The following MYRIP variants were observed in gnomAD, a reference collection of about 807,000 sequenced individuals.
The protein encoded by MYRIP is rab effector MyRIP.
In MYRIP, 49 loss-of-function variants were observed where a neutral mutation model predicts 98.0. That is an observed-to-expected ratio of 0.50 (90% confidence interval 0.40 to 0.63). The LOEUF (loss-of-function observed/expected upper bound fraction) is 0.63, where lower values mean the gene tolerates loss of function less well. MYRIP is among the 30% of genes least tolerant of loss of function. The pLI is 0.00. For missense variants in MYRIP, 1,004 were observed against 1,058.2 expected (o/e 0.95, Z 0.71); for synonymous variants, 404 against 409.5 (o/e 0.99, Z 0.16).
At chr3:40,062,614 T>A (rs1948042076) in intron 3 of MYRIP, among the ~76,000 whole-genome samples, 1 of 152,226 alleles carries the variant, frequency 6.6e-6, no homozygotes, top group African/African-American at 2.4e-5. Context: ...TAAGGTTAAC[T>A]CTGGATTCTA....
chr3:40,168,661 C>G (rs1575592118), intron 7 of MYRIP, among the ~76,000 whole-genome samples: 1 of 152,354 alleles, frequency 6.6e-6, no homozygotes, highest in East Asian at 1.9e-4. Flanking sequence ...TGGGGCCCAA[C>G]TGAGGGCACA....
rs1467177024 is a variant in MYRIP, at chr3:40,258,172, T to C, written c.*6T>C. The C allele has an allele frequency of 1.2e-6, 2 of 1,614,172 alleles. No individual in the cohort carries two copies. Among genetic ancestry groups the C allele is most frequent in the Middle Eastern group, 1.6e-4 (1 of 6,062 alleles). ...AGTCAGCTGTGATGTACTGACACCA[T>C]GGAATTCCACTGCCAGTGACCCACT... On this transcript the variant is annotated 3_prime_UTR_variant, in exon 17 of 17. Coordinates refer to ENST00000302541, the MANE Select transcript of MYRIP (RefSeq NM_015460.4).
At chr3:40,003,936 A>C (rs1327249192) in intron 2 of MYRIP, among the ~76,000 whole-genome samples, 1 of 152,164 alleles carries the variant, frequency 6.6e-6, no homozygotes, top group Non-Finnish European at 1.5e-5. Flanking sequence ...CTGACTGTCA[A>C]GTTTATTAAT....
chr3:40,228,189 G>A (rs568822744), intron 11 of MYRIP, among the ~76,000 whole-genome samples: 1 of 152,160 alleles, frequency 6.6e-6, no homozygotes, highest in South Asian at 2.1e-4. Flanking sequence ...GGCCGCAGCT[G>A]TCCCCTTTTC....
chr3:40,215,500 T>C (rs1357921479), intron 11 of MYRIP, among the ~76,000 whole-genome samples: 1 of 152,164 alleles, frequency 6.6e-6, no homozygotes, highest in East Asian at 1.9e-4. Context: ...CCAAGCCACA[T>C]GGAAACCCAA....
intron 3 of MYRIP, among the ~76,000 whole-genome samples, chr3:40,111,842 C>T (rs1193676101): frequency 6.6e-6 from 1 of 151,976 alleles, no homozygotes; most frequent in Non-Finnish European, 1.5e-5. Context: ...TGTTTATTTC[C>T]AGGAGTTGAA....
At chr3:40,254,434 A>G (rs1278367660) in intron 16 of MYRIP, among the ~76,000 whole-genome samples, 2 of 139,346 alleles carry the variant, frequency 1.4e-5, no homozygotes, top group Non-Finnish European at 3.1e-5. Flanking sequence ...AGCAGATAAT[A>G]TAGAAAGAGT....
chr3:39,986,343 G>A (rs546466994), intron 2 of MYRIP, among the ~76,000 whole-genome samples: 2 of 151,996 alleles, frequency 1.3e-5, no homozygotes, highest in South Asian at 2.1e-4. Context: ...TGATTTTGTT[G>A]TATTTTTACA....
In MYRIP at chr3:40,113,362, C is replaced by T. The variant is rs553223019; in HGVS notation, c.333-37686C>T. Among the ~76,000 whole-genome samples the T allele has an allele frequency of 5.3e-5, 8 of 152,302 alleles. No homozygotes were observed. In the South Asian group the frequency reaches 1.0e-3, roughly 20 times the overall value. ...GTTTTACCGTGTTGGCCAGGCTGGT[C>T]TCGAACTCCTCACCTCGAGTGATCT... On this transcript the variant is annotated intron_variant, in intron 3 of 16. Transcript: ENST00000302541.
At chr3:40,182,650 T>C (rs530698371) in intron 9 of MYRIP, among the ~76,000 whole-genome samples, 15 of 152,218 alleles carry the variant, frequency 9.9e-5, no homozygotes, top group Middle Eastern at 3.4e-3. Flanking sequence ...GTGGGACAGA[T>C]TGGGGGCTCC....
At position 40,157,805 on chromosome 3, in the gene MYRIP, G is replaced by A. The variant is rs1425721877; in HGVS notation, c.470-4925G>A. Among the ~76,000 whole-genome samples, 1,346 of 149,554 alleles carry A rather than the reference G, an allele frequency of 9.0e-3. 20 individuals carry two copies. The highest frequency in any genetic ancestry group is 0.03 in the African/African-American group (1,227 of 40,976). ...CGTAGAGGTGTTTGTAGTATTCTCT[G>A]ATGGTAGTTTGTATTTCTGTGGGAT... is the stretch of plus-strand genomic sequence containing the variant. On this transcript the variant is annotated intron_variant, in intron 4 of 16. Transcript: ENST00000302541.
At chr3:40,051,071 G>A (rs1302310093) in intron 3 of MYRIP, among the ~76,000 whole-genome samples, 1 of 152,116 alleles carries the variant, frequency 6.6e-6, no homozygotes, top group African/African-American at 2.4e-5. Context: ...ATTTAGAATA[G>A]TTCATAAACT....
At chr3:40,179,473 C>T (rs1308192631) in intron 8 of MYRIP, among the ~76,000 whole-genome samples, 7 of 152,140 alleles carry the variant, frequency 4.6e-5, no homozygotes, top group Non-Finnish European at 1.0e-4. Context: ...CCCCAGCCAC[C>T]ACATATACAC....
chr3:39,867,894 A>G (rs1942671911), intron 1 of MYRIP, among the ~76,000 whole-genome samples: 1 of 152,208 alleles, frequency 6.6e-6, no homozygotes, highest in South Asian at 2.1e-4. Flanking sequence ...CATGGAAGCA[A>G]CCTAAGTATC....
chr3:39,922,777 T>C (rs1258139128), intron 2 of MYRIP, among the ~76,000 whole-genome samples: 1 of 152,106 alleles, frequency 6.6e-6, no homozygotes, highest in Non-Finnish European at 1.5e-5. Flanking sequence ...CATAATACAA[T>C]AGTATACAAG....
chr3:39,876,164 C>G (rs182572564), intron 1 of MYRIP, among the ~76,000 whole-genome samples: 11 of 152,084 alleles, frequency 7.2e-5, no homozygotes, highest in Admixed American at 4.6e-4. Flanking sequence ...GCATTGCAAC[C>G]CCTGCCTTTT....
chr3:40,098,344 T>C (rs933850660), intron 3 of MYRIP, among the ~76,000 whole-genome samples: 1 of 152,212 alleles, frequency 6.6e-6, no homozygotes, highest in Non-Finnish European at 1.5e-5. Context: ...TGTAATGCAA[T>C]ACATTCCATA....
intron 1 of MYRIP, among the ~76,000 whole-genome samples, chr3:39,870,100 G>C (rs1403299620): frequency 6.6e-6 from 1 of 152,002 alleles, no homozygotes; most frequent in Non-Finnish European, 1.5e-5. Flanking sequence ...CACATCCAGG[G>C]CAAGGGCAAG....
intron 9 of MYRIP, among the ~76,000 whole-genome samples, chr3:40,182,766 C>T (rs959232670): frequency 4.6e-5 from 7 of 152,296 alleles, no homozygotes; most frequent in African/African-American, 1.7e-4. Flanking sequence ...TTAAACCAAC[C>T]TCTCATGGCA....
Sources: allele counts gnomAD v4.1 joint callset (sites outside exome capture counted in the v4.1 genomes callset), GRCh38; gene constraint gnomAD v4.1.1; transcripts MANE v1.5; gene names NCBI Gene and HGNC (gene_info 2026-07-23, HGNC 2026-07-21).